LCOR: variants seen among roughly 807,000 people sequenced by gnomAD.
LCOR encodes the protein ligand-dependent corepressor.
LCOR carries 14 observed loss-of-function variants against 64.4 expected under a neutral mutation model. The ratio of observed to expected loss-of-function variants is 0.22; its 90% CI spans 0.14 to 0.34. The LOEUF is 0.34. Ranked by LOEUF, LCOR falls within the 10% of genes least tolerant of loss-of-function variation. LCOR has a pLI of 1.00. For missense variants in LCOR, 1,686 were observed against 1,765.3 expected, an observed-to-expected ratio of 0.96 and a Z score of 0.80; for synonymous variants, 643 against 642.5, an observed-to-expected ratio of 1.00 and a Z score of -0.01.
chr10:96,981,467 G>A lies in LCOR; in HGVS notation c.1007G>A (p.Cys336Tyr), dbSNP rs370241836. The A allele has an allele frequency of 1.9e-6, 3 of 1,614,130 alleles. No individual in the cohort carries two copies. Among genetic ancestry groups the A allele is most frequent in the South Asian group, 2.2e-5 (2 of 91,082 alleles). Residue 336 changes from cysteine (C) to tyrosine (Y), a missense_variant, in exon 8 of 8, where the codon TGT becomes TAT. Transcript: ENST00000421806. ...AAENSEEGNT[C>Y]IIPQRNLFKA... is the part of the protein sequence containing the mutation. ...GAGAATAGTGAGGAAGGCAATACCTGTATTATTCCTCAAAGAAATTTGTTC... is the reference window on the plus strand; with the variant it reads ...GAGAATAGTGAGGAAGGCAATACCTATATTATTCCTCAAAGAAATTTGTTC...
At chr10:96,901,354 C>T (rs1352033396) in intron 2 of LCOR, among the ~76,000 whole-genome samples, 5 of 152,086 alleles carry the variant, frequency 3.3e-5, no homozygotes, top group Admixed American at 3.3e-4. Flanking sequence ...TTTACATTTA[C>T]CAGTGAAATG....
chr10:96,853,629 T>G (rs1428261613), intron 2 of LCOR, among the ~76,000 whole-genome samples: 1 of 152,180 alleles, frequency 6.6e-6, no homozygotes, highest in African/African-American at 2.4e-5. Flanking sequence ...TTGGCTGATG[T>G]AGGTTGACCT....
chr10:96,855,795 G>A (rs1845793318), intron 2 of LCOR, among the ~76,000 whole-genome samples: 2 of 151,954 alleles, frequency 1.3e-5, no homozygotes. Context: ...AGGCTGGAGT[G>A]CAATGGTGCG....
intron 7 of LCOR, among the ~76,000 whole-genome samples, chr10:96,975,032 G>A (rs913243006): frequency 2.0e-5 from 3 of 152,222 alleles, no homozygotes; most frequent in Non-Finnish European, 2.9e-5. Flanking sequence ...TTAGCTGGGT[G>A]TGGTGGCACA....
At position 96,981,116 on chromosome 10, in the gene LCOR, C is replaced by T. The variant is rs1394563155; in HGVS notation, c.656C>T (p.Thr219Met). The part of the protein sequence containing the change: ...SSDSHSPLHL[T>M]EQTPKKPPPE... ...GACTCTCACAGCCCTCTACACTTGA[C>T]GGAACAGACCCCGAAGAAGCCTCCT... Residue 219 changes from threonine to methionine, a missense_variant, in exon 8 of 8, where the codon ACG (threonine) becomes ATG (methionine). This residue lies in a region of LCOR where 313 missense variants were observed against 247.2 expected (regional missense o/e 1.27). Transcript: ENST00000421806. 11 of 703,512 alleles carry T rather than the reference C, an allele frequency of 1.6e-5. No homozygotes were observed. Among genetic ancestry groups the T allele is most frequent in the East Asian group, 5.4e-5 (2 of 37,292 alleles). The allele number at this position is 703,512 out of a possible 1,614,324, so 43.6% of individuals were successfully genotyped here.
intron 2 of LCOR, among the ~76,000 whole-genome samples, chr10:96,896,286 T>G (rs1022956190): frequency 2.0e-5 from 3 of 152,198 alleles, no homozygotes; most frequent in Admixed American, 6.5e-5. Context: ...TTCACAAATG[T>G]ATTAGACTGA....
Position 96,989,129 on chromosome 10 carries a change from T to G in LCOR, c.*3995T>G, listed in dbSNP as rs931557383. The G allele has an allele frequency of 1.3e-5, 2 of 152,202 alleles. No homozygotes were observed. Among genetic ancestry groups the G allele is most frequent in the African/African-American group, 4.8e-5 (2 of 41,444 alleles). 9.4% of individuals were successfully genotyped at this position (152,202 alleles called of 1,614,324 possible). A position where few individuals can be genotyped will look rare whatever the true frequency, so the allele number is the denominator to read the frequency against. ...TCAAAGGAGACATGTTATATCGATATGCACTACTATCCCCTTAAACTTGAG... is the reference window on the plus strand; with the variant it reads ...TCAAAGGAGACATGTTATATCGATAGGCACTACTATCCCCTTAAACTTGAG... On this transcript the variant is annotated 3_prime_UTR_variant, in exon 8 of 8. Coordinates refer to ENST00000421806, the MANE Select transcript of LCOR (RefSeq NM_001346516.2).
chr10:96,933,533 C>G (rs537177391), intron 4 of LCOR, among the ~76,000 whole-genome samples: 1 of 152,090 alleles, frequency 6.6e-6, no homozygotes, highest in Non-Finnish European at 1.5e-5. Context: ...TGGAAAGACT[C>G]TTTTTGAGAT....
intron 4 of LCOR, among the ~76,000 whole-genome samples, chr10:96,918,086 T>C (rs1285198656): frequency 6.6e-6 from 1 of 152,192 alleles, no homozygotes; most frequent in Non-Finnish European, 1.5e-5. Flanking sequence ...ATTGGATTAT[T>C]TGAGCAAACG....
chr10:96,833,375 CTG>C (rs1293618083), intron 1 of LCOR, 29 bp from the exon 2 acceptor site: 10 of 984,112 alleles, frequency 1.0e-5, no homozygotes, highest in African/African-American at 3.5e-5. Flanking sequence ...GCCTCTCACA[CTG>C]TGTGTTTTGT....
At chr10:96,917,754 G>C (rs186061995) in intron 4 of LCOR, among the ~76,000 whole-genome samples, 1 of 152,174 alleles carries the variant, frequency 6.6e-6, no homozygotes, top group Non-Finnish European at 1.5e-5. Context: ...AGAGATGTGC[G>C]TAGAGAATCT....
chr10:96,893,590 C>T (rs1191144679), intron 2 of LCOR, among the ~76,000 whole-genome samples: 3 of 151,980 alleles, frequency 2.0e-5, no homozygotes, highest in East Asian at 1.9e-4. Context: ...TGGCGAAACC[C>T]GGTCTCTACT....
chr10:96,975,928 T>C (rs924108799), intron 7 of LCOR, among the ~76,000 whole-genome samples: 4 of 151,868 alleles, frequency 2.6e-5, no homozygotes, highest in African/African-American at 9.7e-5. Flanking sequence ...GCCAGGAGGG[T>C]TGCTTGAACC....
chr10:96,901,129 C>T (rs926249691), intron 2 of LCOR, among the ~76,000 whole-genome samples: 1 of 151,908 alleles, frequency 6.6e-6, no homozygotes, highest in African/African-American at 2.4e-5. Flanking sequence ...GCGGAGCTTG[C>T]AGTGAGCCAA....
chr10:96,981,086 C>T lies in LCOR; in HGVS notation c.626C>T (p.Ser209Leu). 2 of 703,028 alleles carry T rather than the reference C, an allele frequency of 2.8e-6. No homozygotes were observed. The highest frequency in any genetic ancestry group is 3.0e-5 in the South Asian group (2 of 67,592). 43.5% of individuals were successfully genotyped at this position (703,028 alleles called of 1,614,324 possible). A position where few individuals can be genotyped will look rare whatever the true frequency, so the allele number is the denominator to read the frequency against. Residue 209 changes from serine (S) to leucine (L), a missense_variant, in exon 8 of 8, where the codon TCG (serine) becomes TTG (leucine). Around this residue, in one of 3 missense-constraint regions of LCOR, gnomAD observed 313 missense variants for 247.2 expected, o/e 1.27. Transcript: ENST00000421806. ...SSASVDLFVD[S>L]SDSHSPLHLT... is the part of the protein sequence containing the mutation. ...GCTTCTGTAGATTTGTTCGTAGACT[C>T]GTCAGACTCTCACAGCCCTCTACAC...
At position 96,861,706 on chromosome 10, in the gene LCOR, C is replaced by T. The variant is rs140464167; in HGVS notation, c.-330+28227C>T. On this transcript the variant is annotated intron_variant, in intron 2 of 7. Coordinates refer to ENST00000421806, the MANE Select transcript of LCOR (RefSeq NM_001346516.2). ...GGTTACAGATGTGTGCCATCACACC[C>T]GGCTAATTTTTGTATTTTTAGTACA... Among the ~76,000 whole-genome samples the T allele has an allele frequency of 3.3e-3, 504 of 152,154 alleles. 3 individuals are homozygous for T. The highest frequency in any genetic ancestry group is 0.012 in the African/African-American group (483 of 41,496).
At chr10:96,840,759 A>T (rs145610967) in intron 2 of LCOR, among the ~76,000 whole-genome samples, 1 of 152,372 alleles carries the variant, frequency 6.6e-6, no homozygotes, top group African/African-American at 2.4e-5. Flanking sequence ...AATTTTACTC[A>T]GTTGTGCCTT....
At chr10:96,932,882 A>G (rs1172273855) in intron 4 of LCOR, among the ~76,000 whole-genome samples, 1 of 152,200 alleles carries the variant, frequency 6.6e-6, no homozygotes, top group Non-Finnish European at 1.5e-5. Context: ...GTTTGTGAAT[A>G]TGTTTCAAGA....
chr10:96,911,198 A>C (rs901775952), intron 4 of LCOR, among the ~76,000 whole-genome samples: 3 of 150,326 alleles, frequency 2.0e-5, no homozygotes, highest in African/African-American at 7.4e-5. Flanking sequence ...CCTGGGTTCA[A>C]GCGATTCTCA....
Sources: gnomAD v4.1 joint callset for allele counts (sites outside exome capture counted in the v4.1 genomes callset) on GRCh38, gnomAD v4.1.1 for gene constraint, gnomAD v4.1.1 regional missense constraint, MANE v1.5 for transcripts, NCBI Gene and HGNC (gene_info 2026-07-23, HGNC 2026-07-21) for gene names.